The following IGF1R variants were observed in gnomAD, a reference collection of about 807,000 sequenced individuals.
IGF1R encodes insulin-like growth factor 1 receptor.
Under a neutral mutation model 144.6 loss-of-function variants are expected in IGF1R, and 44 were observed. The ratio of observed to expected loss-of-function variants is 0.30; its 90% CI spans 0.24 to 0.39. The LOEUF is 0.39. Ranked by LOEUF, IGF1R falls within the 10% of genes least tolerant of loss-of-function variation. The probability of loss-of-function intolerance (pLI) is 1.00; values close to 1 mark genes in which losing one functional copy is unlikely to be tolerated. For synonymous variants in IGF1R, 795 were observed against 722.8 expected (o/e 1.10, Z -1.60); for missense variants, 1,355 against 1,833.7 (o/e 0.74, Z 4.77).
At chr15:98,654,348 T>G (rs1166701721) in intron 1 of IGF1R, among the ~76,000 whole-genome samples, 1 of 152,130 alleles carries the variant, frequency 6.6e-6, no homozygotes, top group Non-Finnish European at 1.5e-5. Context: ...AAATTAGGAG[T>G]CACAGGTGTG....
rs2229764 is a variant in IGF1R at position 98,891,587 on chromosome 15, C to A, written c.903C>A (p.Gly301=). The A allele has an allele frequency of 0.022, 35,530 of 1,604,766 alleles. 555 individuals carry two copies. The highest frequency in any genetic ancestry group is 0.048 in the South Asian group (4,329 of 91,064). Residue 301 remains glycine (G), a synonymous_variant, in exon 3 of 21, where the codon GGC becomes GGA. Coordinates refer to ENST00000650285, the MANE Select transcript of IGF1R (RefSeq NM_000875.5). This position sits in a 1 kb window ranked among gnomAD's most constrained non-coding sequence, Gnocchi z 4.7. The part of the protein sequence containing the change: ...SDSEGFVIHD[G]ECMQECPSGF... ...CCGAGGGGTTTGTGATCCACGACGG[C>A]GAGTGCATGCAGGAGTGCCCCTCGG...
chr15:98,856,046 G>C (rs2011796671), intron 2 of IGF1R, among the ~76,000 whole-genome samples: 1 of 152,216 alleles, frequency 6.6e-6, no homozygotes, highest in Non-Finnish European at 1.5e-5. Context: ...CCTCGGTTTA[G>C]AGGGAGACGG....
intron 1 of IGF1R, among the ~76,000 whole-genome samples, chr15:98,666,102 A>C (rs1463149478): frequency 6.6e-6 from 1 of 152,222 alleles, no homozygotes; most frequent in African/African-American, 2.4e-5. Flanking sequence ...ACTTGAGGCA[A>C]ATAGGCACAT....
chr15:98,649,769 C>A, intron 1 of IGF1R, 94 bp downstream of exon 1: 1 of 942,926 alleles, frequency 1.1e-6, no homozygotes, highest in Non-Finnish European at 1.7e-6. Flanking sequence ...ACCGTCGCAG[C>A]TGTCGGGCCC....
Position 98,959,235 on chromosome 15 carries a change from G to A in IGF1R, c.*1793G>A, listed in dbSNP as rs957566731. On this transcript the variant is annotated 3_prime_UTR_variant, in exon 21 of 21. Transcript: ENST00000650285. ...TTTAATTCTTGGGTACAACAGCAGT[G>A]TTAACCGCAGACACTAGGCATTTGG... is the stretch of plus-strand genomic sequence containing the variant. The A allele has an allele frequency of 4.3e-6, 1 of 233,612 alleles. No homozygotes were observed. The highest frequency in any genetic ancestry group is 8.5e-6 in the Non-Finnish European group (1 of 117,982). 14.5% of individuals were successfully genotyped at this position (233,612 alleles called of 1,614,324 possible).
intron 2 of IGF1R, among the ~76,000 whole-genome samples, chr15:98,741,904 C>T (rs1329203342): frequency 1.3e-5 from 2 of 152,092 alleles, no homozygotes; most frequent in Non-Finnish European, 1.5e-5. Context: ...TGTTTGTGTT[C>T]GTATATGCAC....
chr15:98,779,370 T>C (rs895503306), intron 2 of IGF1R, among the ~76,000 whole-genome samples: 1 of 152,246 alleles, frequency 6.6e-6, no homozygotes, highest in African/African-American at 2.4e-5. Flanking sequence ...TTCTCCTTTA[T>C]TAATTTTTTC....
intron 2 of IGF1R, among the ~76,000 whole-genome samples, chr15:98,888,401 A>G (rs908378742): frequency 1.3e-5 from 2 of 150,072 alleles, no homozygotes; most frequent in Non-Finnish European, 3.0e-5. Context: ...GAAATTATTA[A>G]CTGTCTTCAA....
At chr15:98,934,054 C>T (rs565099772) in intron 15 of IGF1R, among the ~76,000 whole-genome samples, 1 of 151,932 alleles carries the variant, frequency 6.6e-6, no homozygotes, top group African/African-American at 2.4e-5. Flanking sequence ...TCGTGTAACC[C>T]AGTATATCCA....
rs1308266980 is a variant in IGF1R at position 98,664,533 on chromosome 15, C to T, written c.94+14858C>T. On this transcript the variant is annotated intron_variant, in intron 1 of 20. Transcript: ENST00000650285. ...TATAAAAATTAGCCAGGCACAGTGG[C>T]ATGCACCTGTAATCCCAGCTACTCA... 3.3e-5 allele frequency among the ~76,000 whole-genome samples: 5 copies of T among 151,888 alleles called. No homozygotes were observed. The East Asian group carries it at 9.7e-4, about 29-fold the overall frequency.
chr15:98,720,974 C>T (rs902102914), intron 2 of IGF1R, among the ~76,000 whole-genome samples: 5 of 152,094 alleles, frequency 3.3e-5, no homozygotes, highest in East Asian at 1.9e-4. Context: ...GACTCTGAAG[C>T]GCAGCTGGAG....
chr15:98,805,353 T>G (rs766058186), intron 2 of IGF1R, among the ~76,000 whole-genome samples: 2 of 152,236 alleles, frequency 1.3e-5, no homozygotes, highest in Non-Finnish European at 2.9e-5. Flanking sequence ...TTTCTCATTT[T>G]TCACAGAGCT....
At chr15:98,854,846 G>A (rs1479780934) in intron 2 of IGF1R, among the ~76,000 whole-genome samples, 1 of 152,064 alleles carries the variant, frequency 6.6e-6, no homozygotes, top group African/African-American at 2.4e-5. Context: ...TTTCCTGCAT[G>A]AGGCAGTACG....
At chr15:98,888,166 C>T (rs987823773) in intron 2 of IGF1R, among the ~76,000 whole-genome samples, 3 of 152,252 alleles carry the variant, frequency 2.0e-5, no homozygotes, top group African/African-American at 7.2e-5. Context: ...CACTCCCGTA[C>T]TTGCTGTGTC....
intron 20 of IGF1R, among the ~76,000 whole-genome samples, chr15:98,950,315 A>C (rs1004009174): frequency 6.6e-6 from 1 of 152,178 alleles, no homozygotes. Flanking sequence ...CAGCCACAAA[A>C]GTTTTGCTCA....
At chr15:98,723,660 GA>G (rs1250484027) in intron 2 of IGF1R, among the ~76,000 whole-genome samples, 3 of 152,194 alleles carry the variant, frequency 2.0e-5, no homozygotes, top group Non-Finnish European at 4.4e-5. Context: ...ATTTAGTATG[GA>G]TCATGATGCT....
chr15:98,825,136 G>A (rs192300280), intron 2 of IGF1R, among the ~76,000 whole-genome samples: 1 of 152,240 alleles, frequency 6.6e-6, no homozygotes, highest in African/African-American at 2.4e-5. Context: ...ACCATGCCCG[G>A]TTGTTTTGTT....
At chr15:98,942,631 C>T (rs917230986) in intron 18 of IGF1R, among the ~76,000 whole-genome samples, 7 of 152,166 alleles carry the variant, frequency 4.6e-5, no homozygotes, top group South Asian at 4.1e-4. Flanking sequence ...TGAGTCACTG[C>T]GCTCAGCCTG....
intron 3 of IGF1R, among the ~76,000 whole-genome samples, chr15:98,894,876 C>T (rs1054731667): frequency 6.6e-6 from 1 of 152,002 alleles, no homozygotes; most frequent in African/African-American, 2.4e-5. Flanking sequence ...CAAAAATTAG[C>T]CGGGCCTGGT....
Sources: gnomAD v4.1 joint callset for allele counts (sites outside exome capture counted in the v4.1 genomes callset) on GRCh38, gnomAD v4.1.1 for gene constraint, Gnocchi (gnomAD v3.1) non-coding constraint, MANE v1.5 for transcripts, NCBI Gene and HGNC (gene_info 2026-07-23, HGNC 2026-07-21) for gene names.